Variants in HECW2 observed in about 807,000 individuals in gnomAD.
HECW2 encodes HECT, C2 and WW domain containing E3 ubiquitin protein ligase 2.
HECW2 carries 61 observed loss-of-function variants against 175.2 expected under a neutral mutation model. That is an observed-to-expected ratio of 0.35 (90% CI 0.28 to 0.43). The LOEUF (loss-of-function observed/expected upper bound fraction) is 0.43, where lower values mean the gene tolerates loss of function less well. Among genes scored for constraint, HECW2 ranks in the 20% least tolerant of loss-of-function variants. The pLI, the probability that HECW2 is intolerant of heterozygous loss-of-function variation, is 1.00. For missense variants in HECW2, 1,524 were observed against 2,000.5 expected, an observed-to-expected ratio of 0.76 and a Z score of 4.54; for synonymous variants, 671 against 731.0, an observed-to-expected ratio of 0.92 and a Z score of 1.32.
At chr2:196,220,339 T>C (rs1687621559) in intron 25 of HECW2, among the ~76,000 whole-genome samples, 186 bp from the exon 26 acceptor site, 1 of 152,260 alleles carries the variant, frequency 6.6e-6, no homozygotes. Context: ...TTGATGAGAT[T>C]TGCCTTGACA....
At chr2:196,249,331 A>T (rs2105903417) in intron 19 of HECW2, among the ~76,000 whole-genome samples, 1 of 152,210 alleles carries the variant, frequency 6.6e-6, no homozygotes, top group Non-Finnish European at 1.5e-5. Context: ...AGAAAAACAA[A>T]CCTTCACATT....
chr2:196,480,196 T>C (rs1461934185), intron 1 of HECW2, among the ~76,000 whole-genome samples: 1 of 152,176 alleles, frequency 6.6e-6, no homozygotes, highest in African/African-American at 2.4e-5. Flanking sequence ...TCAAATCACA[T>C]CAGTTTGGGG....
intron 17 of HECW2, among the ~76,000 whole-genome samples, chr2:196,269,893 T>C (rs1394743960): frequency 6.6e-6 from 1 of 152,224 alleles, no homozygotes; most frequent in African/African-American, 2.4e-5. Context: ...TCTTAGGCTC[T>C]ACCCCAGACC....
chr2:196,455,334 T>G (rs959633696), intron 1 of HECW2, among the ~76,000 whole-genome samples: 6 of 152,190 alleles, frequency 3.9e-5, no homozygotes, highest in African/African-American at 1.4e-4. Context: ...GCCCGGCCCC[T>G]TTTACTTAAT....
At chr2:196,402,011 T>C (rs1401558996) in intron 2 of HECW2, among the ~76,000 whole-genome samples, 2 of 151,696 alleles carry the variant, frequency 1.3e-5, no homozygotes, top group Non-Finnish European at 2.9e-5. Flanking sequence ...CCATCCTGGC[T>C]AACATGGTGA....
intron 13 of HECW2, among the ~76,000 whole-genome samples, chr2:196,294,395 G>A (rs917798454): frequency 3.3e-5 from 5 of 152,264 alleles, no homozygotes; most frequent in East Asian, 1.9e-4. Context: ...CTTTGGATTC[G>A]TTTTATCTTT....
In HECW2 at chr2:196,319,379, G is replaced by T. The variant is rs1422220395; in HGVS notation, c.1511C>A (p.Ser504Tyr). The T allele has an allele frequency of 1.9e-6, 3 of 1,613,550 alleles. No homozygotes were observed. In the South Asian group the frequency reaches 3.3e-5, roughly 18 times the overall value. The change falls in exon 9 of 29, where the codon TCT (serine) becomes TAT (tyrosine). Residue 504 changes from serine (S) to tyrosine (Y), a missense_variant. Physicochemically the swap from Ser to Tyr is moderately radical, Grantham distance 144. Transcript: ENST00000644978. Reference sequence around the variant, plus strand: ...AGGGTTGTCCTCCAGCTTTGTCTGAGATGTCAGGCTTCCATCATCAGCTCT... The same window carrying T: ...AGGGTTGTCCTCCAGCTTTGTCTGATATGTCAGGCTTCCATCATCAGCTCT... ...ASRADDGSLT[S>Y]QTKLEDNPVE...
At chr2:196,332,029 A>G (rs6434839) in intron 4 of HECW2, among the ~76,000 whole-genome samples, 148,123 of 152,252 alleles carry the variant, frequency 0.97, 72,118 homozygotes, top group Non-Finnish European at 0.99. Flanking sequence ...CCAAGTATCT[A>G]AGACACATAT....
intron 14 of HECW2, among the ~76,000 whole-genome samples, chr2:196,287,596 A>C (rs1191859547): frequency 2.0e-5 from 3 of 152,178 alleles, no homozygotes. Context: ...CATTATGTAA[A>C]CTTGAGAAAT....
At chr2:196,475,425 C>T (rs1192786830) in intron 1 of HECW2, among the ~76,000 whole-genome samples, 21 of 130,958 alleles carry the variant, frequency 1.6e-4, no homozygotes, top group African/African-American at 3.5e-4. Context: ...GGGAGAGAGA[C>T]GAGGGGAGGG....
chr2:196,270,725 A>C (rs1193347635), intron 17 of HECW2, among the ~76,000 whole-genome samples: 1 of 151,358 alleles, frequency 6.6e-6, no homozygotes, highest in Admixed American at 6.6e-5. Context: ...TTTTTGAGAC[A>C]AAGTCTCACT....
chr2:196,525,004 A>G (rs1005737879), intron 1 of HECW2, among the ~76,000 whole-genome samples: 2 of 139,606 alleles, frequency 1.4e-5, no homozygotes, highest in Non-Finnish European at 3.0e-5. Context: ...CGCTTGGTGC[A>G]GAGCTGAGTT....
At chr2:196,382,910 A>T (rs1336261844) in intron 2 of HECW2, among the ~76,000 whole-genome samples, 1 of 152,210 alleles carries the variant, frequency 6.6e-6, no homozygotes. Flanking sequence ...TCTGTATTTT[A>T]AATGTTTTTC....
At chr2:196,354,920 C>T (rs1022238211) in intron 2 of HECW2, among the ~76,000 whole-genome samples, 2 of 152,186 alleles carry the variant, frequency 1.3e-5, no homozygotes, top group Admixed American at 6.5e-5. Context: ...GCCTTTGAAA[C>T]ATCTTAAAGT....
chr2:196,373,841 G>A (rs1693973174), intron 2 of HECW2, among the ~76,000 whole-genome samples: 1 of 152,004 alleles, frequency 6.6e-6, no homozygotes, highest in Non-Finnish European at 1.5e-5. Flanking sequence ...GACCATCCCG[G>A]CTAAAACGGT....
At chr2:196,495,919 G>C (rs137859766) in intron 1 of HECW2, among the ~76,000 whole-genome samples, 4 of 152,116 alleles carry the variant, frequency 2.6e-5, no homozygotes, top group Non-Finnish European at 2.9e-5. Context: ...ATAGACTGTA[G>C]AGGTTAAAAA....
At chr2:196,507,466 G>A (rs1687807877) in intron 1 of HECW2, among the ~76,000 whole-genome samples, 1 of 152,170 alleles carries the variant, frequency 6.6e-6, no homozygotes, top group South Asian at 2.1e-4. Context: ...TCATGACTGG[G>A]GTCGCTGCTA....
At chr2:196,402,953 C>T (rs903973659) in intron 2 of HECW2, among the ~76,000 whole-genome samples, 5 of 152,130 alleles carry the variant, frequency 3.3e-5, no homozygotes, top group African/African-American at 7.2e-5. Flanking sequence ...ATTACAGGCG[C>T]GCACTACCAT....
At chr2:196,266,951 T>C (rs1468822939) in intron 17 of HECW2, among the ~76,000 whole-genome samples, 2 of 152,216 alleles carry the variant, frequency 1.3e-5, no homozygotes, top group Non-Finnish European at 2.9e-5. Flanking sequence ...ATTTGCCTTT[T>C]GTGGTTCAGA....
Sources: allele counts gnomAD v4.1 joint callset (sites outside exome capture counted in the v4.1 genomes callset), GRCh38; gene constraint gnomAD v4.1.1; transcripts MANE v1.5; gene names NCBI Gene and HGNC (gene_info 2026-07-23, HGNC 2026-07-21).